Variants in ATP2B2 observed in about 807,000 individuals in gnomAD.
The protein encoded by ATP2B2 is plasma membrane calcium-transporting ATPase 2.
A neutral mutation model predicts 120.0 loss-of-function variants in ATP2B2; 15 were observed. The ratio of observed to expected loss-of-function variants is 0.12; its 90% confidence interval spans 0.08 to 0.19. The LOEUF (loss-of-function observed/expected upper bound fraction) is 0.19, where lower values mean the gene tolerates loss of function less well. Among genes scored for constraint, ATP2B2 ranks in the 10% least tolerant of loss-of-function variants. ATP2B2 has a pLI of 1.00. For synonymous variants in ATP2B2, 694 were observed against 700.3 expected, an observed-to-expected ratio of 0.99 and a Z score of 0.14; for missense variants, 1,045 against 1,719.8, an observed-to-expected ratio of 0.61 and a Z score of 6.94.
chr3:10,543,407 T>C (rs865841807), intron 2 of ATP2B2, among the ~76,000 whole-genome samples: 61 of 152,338 alleles, frequency 4.0e-4, no homozygotes, highest in Middle Eastern at 3.4e-3. Context: ...AAAACATGTC[T>C]ATGTAAGGCT....
chr3:10,604,819 T>C (rs1440761101), intron 2 of ATP2B2, among the ~76,000 whole-genome samples: 1 of 152,196 alleles, frequency 6.6e-6, no homozygotes, highest in Non-Finnish European at 1.5e-5. Context: ...CACTCCATAT[T>C]GTCTTCTACC....
chr3:10,386,662 T>C, intron 6 of ATP2B2, 150 bp from the exon 7 acceptor site: 1 of 896,710 alleles, frequency 1.1e-6, no homozygotes, highest in Non-Finnish European at 1.8e-6. Flanking sequence ...TGGCGGGCTC[T>C]AAGCAATGTT....
chr3:10,405,953 T>C (rs2062396498), intron 3 of ATP2B2, among the ~76,000 whole-genome samples: 1 of 152,210 alleles, frequency 6.6e-6, no homozygotes, highest in East Asian at 1.9e-4. Flanking sequence ...GCCATGAACA[T>C]GCTGTGTGAC....
chr3:10,503,848 G>A (rs956971443), intron 1 of ATP2B2, among the ~76,000 whole-genome samples: 3 of 152,210 alleles, frequency 2.0e-5, no homozygotes, highest in Non-Finnish European at 2.9e-5. Context: ...CTGCTTTCCC[G>A]TGTTAGTGCT....
At chr3:10,698,028 C>G (rs1321729722) in intron 1 of ATP2B2, among the ~76,000 whole-genome samples, 1 of 152,196 alleles carries the variant, frequency 6.6e-6, no homozygotes, top group Non-Finnish European at 1.5e-5. Context: ...AGTGGACACT[C>G]CCTCCTACTT....
intron 1 of ATP2B2, among the ~76,000 whole-genome samples, chr3:10,492,875 C>T (rs188181250): frequency 1.1e-4 from 17 of 152,242 alleles, no homozygotes; most frequent in East Asian, 1.9e-4. Flanking sequence ...TGAACTTGGC[C>T]GAGGCTGCCA....
At chr3:10,357,372 T>A (rs768881570) in intron 14 of ATP2B2, among the ~76,000 whole-genome samples, 2 of 152,074 alleles carry the variant, frequency 1.3e-5, no homozygotes, top group Non-Finnish European at 2.9e-5. Flanking sequence ...CACAGATCTG[T>A]CTGATGTCTG....
At chr3:10,465,249 A>G (rs1016327444) in intron 1 of ATP2B2, among the ~76,000 whole-genome samples, 1 of 152,158 alleles carries the variant, frequency 6.6e-6, no homozygotes, top group East Asian at 1.9e-4. Context: ...GGAGACCCCA[A>G]ACCTCAGACT....
chr3:10,359,197 T>C (rs2060825675), intron 13 of ATP2B2, among the ~76,000 whole-genome samples: 1 of 152,216 alleles, frequency 6.6e-6, no homozygotes, highest in African/African-American at 2.4e-5. Flanking sequence ...ACAAAGCACA[T>C]AAAACTCAGG....
intron 2 of ATP2B2, among the ~76,000 whole-genome samples, chr3:10,597,799 C>G (rs1370974976): frequency 1.3e-5 from 2 of 152,186 alleles, no homozygotes; most frequent in African/African-American, 4.8e-5. Context: ...TACATTTCAG[C>G]TGCTGCAGTT....
At chr3:10,470,520 A>C (rs1292886084) in intron 1 of ATP2B2, among the ~76,000 whole-genome samples, 1 of 152,198 alleles carries the variant, frequency 6.6e-6, no homozygotes, top group Non-Finnish European at 1.5e-5. Context: ...TGATCTCCTC[A>C]GTAACACTGG....
At chr3:10,664,228 G>A (rs1489940283) in intron 1 of ATP2B2, among the ~76,000 whole-genome samples, 3 of 151,964 alleles carry the variant, frequency 2.0e-5, no homozygotes, top group African/African-American at 7.3e-5. Context: ...TGTCACCCCC[G>A]CAGCATGTTT....
chr3:10,694,550 G>T (rs1420417245), intron 1 of ATP2B2, among the ~76,000 whole-genome samples: 1 of 152,192 alleles, frequency 6.6e-6, no homozygotes, highest in South Asian at 2.1e-4. Context: ...TTTAACACAT[G>T]AATGTATTTT....
At chr3:10,390,498 T>TTGTGTGTG (rs61552990) in intron 5 of ATP2B2, among the ~76,000 whole-genome samples, 1 of 148,206 alleles carries the variant, frequency 6.7e-6, no homozygotes, top group Non-Finnish European at 1.5e-5. Context: ...GTGCATGCTT[T>TTGTGTGTG]TGTGTGTGTG....
chr3:10,624,037 C>T (rs1237720823), intron 1 of ATP2B2, among the ~76,000 whole-genome samples: 1 of 152,196 alleles, frequency 6.6e-6, no homozygotes, highest in African/African-American at 2.4e-5. Flanking sequence ...ACTAGTCTTT[C>T]AAGAAGCTTC....
chr3:10,371,403 G>C (rs1274205553), intron 12 of ATP2B2, among the ~76,000 whole-genome samples: 1 of 152,216 alleles, frequency 6.6e-6, no homozygotes, highest in Non-Finnish European at 1.5e-5. Flanking sequence ...AGGAAGCCTA[G>C]CTGAGACCAG....
chr3:10,678,141 T>C (rs1460949725), intron 1 of ATP2B2, among the ~76,000 whole-genome samples: 1 of 152,260 alleles, frequency 6.6e-6, no homozygotes, highest in Non-Finnish European at 1.5e-5. Context: ...GGTTCTCACA[T>C]ACTGGGATCG....
intron 22 of ATP2B2, among the ~76,000 whole-genome samples, chr3:10,337,502 GT>G (rs1314553300): frequency 4.7e-5 from 7 of 150,414 alleles, no homozygotes; most frequent in Non-Finnish European, 8.9e-5. Flanking sequence ...TGGTATGTGT[GT>G]GGGGGGGTCG....
intron 3 of ATP2B2, among the ~76,000 whole-genome samples, chr3:10,406,643 G>A (rs2062422232): frequency 1.3e-5 from 2 of 152,228 alleles, no homozygotes; most frequent in African/African-American, 4.8e-5. Context: ...ACTCTACAAT[G>A]TTGGTATGAT....
Sources: gnomAD v4.1 joint callset for allele counts (sites outside exome capture counted in the v4.1 genomes callset) on GRCh38, gnomAD v4.1.1 for gene constraint, MANE v1.5 for transcripts, NCBI Gene and HGNC (gene_info 2026-07-23, HGNC 2026-07-21) for gene names.